PM20D2: variants seen among roughly 807,000 people sequenced by gnomAD.
PM20D2 encodes the protein xaa-Arg dipeptidase.
In PM20D2, 33 loss-of-function variants were observed where a neutral mutation model predicts 42.9. That is an observed-to-expected ratio of 0.77 (90% confidence interval 0.58 to 1.03). PM20D2 has a LOEUF of 1.03. PM20D2 is among the 50% of genes least tolerant of loss of function. PM20D2 has a pLI of 0.00. For synonymous variants in PM20D2, 250 were observed against 228.2 expected, an observed-to-expected ratio of 1.10 and a Z score of -0.86; for missense variants, 548 against 557.0, an observed-to-expected ratio of 0.98 and a Z score of 0.16.
At chr6:89,106,297 G>C in the PM20D2 span, among the ~76,000 whole-genome samples, 1 of 151,882 alleles carries the variant, frequency 6.6e-6, no homozygotes, top group Non-Finnish European at 1.5e-5. Context: ...ATTTTTAGTA[G>C]ACACGGGGTT....
the PM20D2 span, among the ~76,000 whole-genome samples, chr6:89,109,960 G>A: frequency 6.6e-6 from 1 of 151,976 alleles, no homozygotes; most frequent in Non-Finnish European, 1.5e-5. Context: ...GCGTGGTGGC[G>A]GGCGCCTGTA....
the PM20D2 span, among the ~76,000 whole-genome samples, chr6:89,101,115 A>C: frequency 1.3e-5 from 2 of 150,772 alleles, no homozygotes; most frequent in Non-Finnish European, 3.0e-5. Context: ...AAGACAAAAA[A>C]AAAAAAAAAA....
At chr6:89,124,736 G>GTTGTTTTTTTTT in the PM20D2 span, among the ~76,000 whole-genome samples, 1 of 108,436 alleles carries the variant, frequency 9.2e-6, no homozygotes, top group African/African-American at 3.5e-5. Flanking sequence ...TGCTGTTGTT[G>GTTGTTTTTTTTT]TTTTTTTTTT....
At chr6:89,118,258 G>A in the PM20D2 span, among the ~76,000 whole-genome samples, 1 of 152,176 alleles carries the variant, frequency 6.6e-6, no homozygotes, top group South Asian at 2.1e-4. Flanking sequence ...CCAAGAGGGG[G>A]CTTGAGGCCG....
chr6:89,095,619 A>T, the PM20D2 span, among the ~76,000 whole-genome samples: 1 of 152,274 alleles, frequency 6.6e-6, no homozygotes, highest in African/African-American at 2.4e-5. Flanking sequence ...GTCTTAGAAC[A>T]GTTAGATCTC....
the PM20D2 span, chr6:89,096,181 G>T: frequency 6.6e-6 from 1 of 152,162 alleles, no homozygotes; most frequent in South Asian, 2.1e-4. Context: ...TTCTAAACAT[G>T]ATTTTAATAA....
chr6:89,153,069 C>T lies in PM20D2; in HGVS notation c.641C>T (p.Ala214Val). 6.2e-7 allele frequency: 1 copy of T among 1,604,306 alleles called. No individual in the cohort carries two copies. Among genetic ancestry groups the T allele is most frequent in the South Asian group, 1.1e-5 (1 of 90,080 alleles). ...HDVTVKYYGK[A>V]SHSASYPWEG... The stretch of plus-strand genomic sequence containing the variant: ...GTGACTGTGAAATACTATGGAAAAG[C>T]ATCTCATTCTGCTTCTTATCCCTGG... Residue 214 changes from alanine to valine, a missense_variant, in exon 3 of 7, where the codon GCA becomes GTA. Ala to Val is a moderately conservative substitution (Grantham distance 64, BLOSUM62 0). This residue lies in a region of PM20D2 where 470 missense variants were observed against 464.4 expected (regional missense o/e 1.01). Coordinates refer to ENST00000275072, the MANE Select transcript of PM20D2 (RefSeq NM_001010853.3).
the PM20D2 span, chr6:89,107,105 A>T: frequency 7.3e-7 from 1 of 1,378,694 alleles, no homozygotes; most frequent in Non-Finnish European, 1.0e-6. Context: ...TATATGTATA[A>T]GCACGCATAT....
At chr6:89,134,143 C>T in the PM20D2 span, among the ~76,000 whole-genome samples, 6 of 151,274 alleles carry the variant, frequency 4.0e-5, no homozygotes, top group Non-Finnish European at 8.8e-5. Context: ...TTATTCAGCA[C>T]ACATTAAATG....
At chr6:89,108,591 T>C in the PM20D2 span, among the ~76,000 whole-genome samples, 1 of 152,134 alleles carries the variant, frequency 6.6e-6, no homozygotes, top group Admixed American at 6.5e-5. Context: ...GAAATAAAGA[T>C]TCAAAGATGA....
the PM20D2 span, among the ~76,000 whole-genome samples, chr6:89,130,819 C>CTTTTTTTTTTTTTTTTTTTTTTTTTTTT: frequency 8.3e-5 from 2 of 24,056 alleles, 1 homozygote. Flanking sequence ...GCTTCTTCTT[C>CTTTTTTTTTTTTTTTTTTTTTTTTTTTT]TTTTTTTTTT....
chr6:89,117,840 G>A, the PM20D2 span: 2 of 1,559,232 alleles, frequency 1.3e-6, no homozygotes, highest in Non-Finnish European at 1.7e-6. Context: ...CGTCCGCGAC[G>A]TTCCTGATGA....
intron 4 of PM20D2, among the ~76,000 whole-genome samples, chr6:89,155,120 A>G (rs1770994526): frequency 6.6e-6 from 1 of 152,114 alleles, no homozygotes; most frequent in South Asian, 2.1e-4. Flanking sequence ...CTTATATAGT[A>G]ATTAGAATAA....
the PM20D2 span, among the ~76,000 whole-genome samples, chr6:89,137,762 T>C: frequency 6.6e-6 from 1 of 152,216 alleles, no homozygotes; most frequent in Non-Finnish European, 1.5e-5. Flanking sequence ...TACAGCTGCA[T>C]ACTGTTTCCT....
chr6:89,103,688 G>A, the PM20D2 span, among the ~76,000 whole-genome samples: 2 of 151,378 alleles, frequency 1.3e-5, no homozygotes, highest in Admixed American at 1.3e-4. Context: ...TTGAACTCCT[G>A]ACCTCAAGTA....
In PM20D2 at chr6:89,164,472, A is replaced by G. The variant is rs1045975; in HGVS notation, c.*2209A>G. 43 of 152,754 alleles carry G rather than the reference A, an allele frequency of 2.8e-4. No individual in the cohort carries two copies. The highest frequency in any genetic ancestry group is 8.3e-4 in the South Asian group (4 of 4,830). The allele number at this position is 152,754 out of a possible 1,614,324, so 9.5% of individuals were successfully genotyped here. A position where few individuals can be genotyped will look rare whatever the true frequency, so the allele number is the denominator to read the frequency against. ...GGCAGTTCACAAGGAAGATTGTTGT[A>G]ACAGAAGAGTGACAACCAATAGTTT... On this transcript the variant is annotated 3_prime_UTR_variant, in exon 7 of 7. Coordinates refer to ENST00000275072, the MANE Select transcript of PM20D2 (RefSeq NM_001010853.3).
At chr6:89,102,325 G>A in the PM20D2 span, among the ~76,000 whole-genome samples, 1 of 152,204 alleles carries the variant, frequency 6.6e-6, no homozygotes, top group Non-Finnish European at 1.5e-5. Flanking sequence ...TGTATTTTTA[G>A]TAGAGATGGG....
chr6:89,138,945 AATTAAT>A, the PM20D2 span, among the ~76,000 whole-genome samples: 1 of 152,214 alleles, frequency 6.6e-6, no homozygotes, highest in Non-Finnish European at 1.5e-5. Context: ...CCCTAAGCCA[AATTAAT>A]TTATAACAAA....
At chr6:89,120,073 T>C in the PM20D2 span, among the ~76,000 whole-genome samples, 1 of 152,208 alleles carries the variant, frequency 6.6e-6, no homozygotes, top group Non-Finnish European at 1.5e-5. Context: ...TTTCCCCTTA[T>C]AAAACCATCA....
Sources: allele counts gnomAD v4.1 joint callset (sites outside exome capture counted in the v4.1 genomes callset), GRCh38; gene constraint gnomAD v4.1.1; regional missense constraint gnomAD v4.1.1; transcripts MANE v1.5; gene names NCBI Gene and HGNC (gene_info 2026-07-23, HGNC 2026-07-21).